ZNF517: variants seen among roughly 807,000 people sequenced by gnomAD.
ZNF517 encodes the protein zinc finger protein 517.
In ZNF517, 12 loss-of-function variants were observed where a neutral mutation model predicts 12.1. The observed-to-expected ratio is 0.99, with a 90% confidence interval of 0.63 to 1.61. The LOEUF (loss-of-function observed/expected upper bound fraction) is 1.61, where lower values mean the gene tolerates loss of function less well. Ranked by LOEUF, ZNF517 falls within the 40% of genes most tolerant of loss-of-function variation. The pLI, the probability that ZNF517 is intolerant of heterozygous loss-of-function variation, is 0.00. For synonymous variants in ZNF517, 388 were observed against 310.2 expected (o/e 1.25, Z -2.63); for missense variants, 781 against 693.2 (o/e 1.13, Z -1.42).
At chr8:144,800,709 A>G in intron 1 of ZNF517, 4 of 985,240 alleles carry the variant, frequency 4.1e-6, no homozygotes, top group Non-Finnish European at 4.8e-6. Flanking sequence ...CCCTCTGTGC[A>G]GGGGTGATTC....
In ZNF517 at chr8:144,807,552, G is replaced by A. The variant is rs1363419340; in HGVS notation, c.636G>A (p.Lys212=). 2 of 1,599,320 alleles carry A rather than the reference G, an allele frequency of 1.3e-6. No individual in the cohort carries two copies. The highest frequency in any genetic ancestry group is 2.7e-5 in the African/African-American group (2 of 74,426). ...AKPFQCTECG[K]AFKQSSILLR... ...CCTTCCAGTGCACAGAGTGCGGGAAGGCCTTCAAGCAAAGCTCCATCCTGC... is the reference window on the plus strand; with the variant it reads ...CCTTCCAGTGCACAGAGTGCGGGAAAGCCTTCAAGCAAAGCTCCATCCTGC... Residue 212 remains lysine, a synonymous_variant, in exon 5 of 5, where the codon AAG becomes AAA. Transcript: ENST00000359971.
chr8:144,799,090 C>G (rs1355444928), intron 1 of ZNF517, among the ~76,000 whole-genome samples, 153 bp downstream of exon 1: 1 of 152,276 alleles, frequency 6.6e-6, no homozygotes, highest in African/African-American at 2.4e-5. Flanking sequence ...CCTTGGGTTC[C>G]GAACCCTTAT....
intron 1 of ZNF517, chr8:144,802,642 G>T: frequency 2.1e-6 from 1 of 471,348 alleles, no homozygotes; most frequent in Non-Finnish European, 2.8e-6. Flanking sequence ...AAAAAATGGT[G>T]GTCACAGAAG....
chr8:144,804,741 G>C (rs118115264), intron 4 of ZNF517, among the ~76,000 whole-genome samples: 2,651 of 152,280 alleles, frequency 0.017, 66 homozygotes, highest in Admixed American at 0.072. Flanking sequence ...TCCAATGATT[G>C]ATAAGGTCAT....
At chr8:144,803,829 G>T in intron 3 of ZNF517, 62 bp downstream of exon 3, 1 of 1,574,996 alleles carries the variant, frequency 6.3e-7, no homozygotes, top group Non-Finnish European at 8.6e-7. Flanking sequence ...TTCAAAGGAA[G>T]TTGGTTCCAT....
intron 1 of ZNF517, among the ~76,000 whole-genome samples, chr8:144,802,303 G>A (rs545977443): frequency 6.6e-6 from 1 of 152,326 alleles, no homozygotes; most frequent in South Asian, 2.1e-4. Context: ...CTTAAGCCCA[G>A]GAGGCAGAGG....
chr8:144,799,118 C>T (rs1184180367), intron 1 of ZNF517, among the ~76,000 whole-genome samples, 181 bp downstream of exon 1: 2 of 152,150 alleles, frequency 1.3e-5, no homozygotes, highest in African/African-American at 2.4e-5. Context: ...AAGGGCCCTG[C>T]GCCCCGGTCC....
intron 4 of ZNF517, among the ~76,000 whole-genome samples, chr8:144,805,095 C>G (rs1427760806): frequency 6.6e-6 from 1 of 152,230 alleles, no homozygotes; most frequent in Middle Eastern, 3.2e-3. Context: ...TCCAGGTCTG[C>G]TATGTAACTA....
At chr8:144,806,858 C>G (rs898167184) in intron 4 of ZNF517, among the ~76,000 whole-genome samples, 3 of 152,180 alleles carry the variant, frequency 2.0e-5, no homozygotes, top group African/African-American at 7.2e-5. Context: ...ACTCTGTCTT[C>G]ACTTGATTGT....
In ZNF517 at chr8:144,807,831, C is replaced by G. The variant is rs770165380; in HGVS notation, c.915C>G (p.Asn305Lys). Residue 305 changes from asparagine (N) to lysine (K), a missense_variant, in exon 5 of 5, where the codon AAC becomes AAG. Physicochemically the swap from Asn to Lys is moderately conservative, Grantham distance 94. Coordinates refer to ENST00000359971, the MANE Select transcript of ZNF517 (RefSeq NM_213605.3). ...CGTTCTGCCGCAGGTTCACCCTCAA[C>G]GAGCACGGCCGCATCCACAGCGGGG... is the stretch of plus-strand genomic sequence containing the variant. ...GKAFCRRFTLNEHGRIHSGER... is the reference protein window; with the variant it reads ...GKAFCRRFTLKEHGRIHSGER... The G allele has an allele frequency of 3.7e-6, 6 of 1,604,084 alleles. No homozygotes were observed. The highest frequency in any genetic ancestry group is 5.1e-6 in the Non-Finnish European group (6 of 1,175,670).
rs1827500001 is a variant in ZNF517 at position 144,810,020 on chromosome 8, T to A, written c.*1625T>A. ...GTGAGCCGAGATCGAGCCACTGCAC[T>A]CCAGCCTGGGTGACAGGGCAAGACT... On this transcript the variant is annotated 3_prime_UTR_variant, in exon 5 of 5. Transcript: ENST00000359971. 2.1e-6 allele frequency: 1 copy of A among 467,866 alleles called. No individual in the cohort carries two copies. Among genetic ancestry groups the A allele is most frequent in the Admixed American group, 3.5e-5 (1 of 28,938 alleles). The allele number at this position is 467,866 out of a possible 1,614,324, so 29.0% of individuals were successfully genotyped here.
chr8:144,811,446 C>T (rs903859046), downstream of ZNF517, among the ~76,000 whole-genome samples: 38 of 145,782 alleles, frequency 2.6e-4, no homozygotes, highest in Non-Finnish European at 5.3e-4. Context: ...AAGGCTGAGA[C>T]AGGGTGGGAG....
chr8:144,799,540 A>G (rs1197459051), intron 1 of ZNF517, among the ~76,000 whole-genome samples: 2 of 152,218 alleles, frequency 1.3e-5, no homozygotes, highest in East Asian at 3.8e-4. Context: ...ACGCAGCAAA[A>G]TAACTTCTGG....
At position 144,808,647 on chromosome 8, in the gene ZNF517, C is replaced by G; in HGVS notation, c.*252C>G. 7.1e-6 allele frequency: 3 copies of G among 423,588 alleles called. No individual in the cohort carries two copies. Among genetic ancestry groups the G allele is most frequent in the Non-Finnish European group, 1.2e-5 (3 of 252,264 alleles). 26.2% of individuals were successfully genotyped at this position (423,588 alleles called of 1,614,324 possible). Reference sequence around the variant, plus strand: ...GGGGCCTTCCGGAAATGTCCAGGAGCGGGCAGAAGGGAGAGAGGGAGGGGC... The same window carrying G: ...GGGGCCTTCCGGAAATGTCCAGGAGGGGGCAGAAGGGAGAGAGGGAGGGGC... On this transcript the variant is annotated 3_prime_UTR_variant, in exon 5 of 5. Transcript: ENST00000359971.
chr8:144,803,697 C>T lies in ZNF517; in HGVS notation c.90C>T (p.Cys30=). 3 of 1,614,164 alleles carry T rather than the reference C, an allele frequency of 1.9e-6. No homozygotes were observed. The highest frequency in any genetic ancestry group is 2.2e-5 in the South Asian group (2 of 91,082). ...AVYFTRIEWS[C]LAPDQQALYR... is the part of the protein sequence containing the mutation. ...ACTTCACAAGGATAGAGTGGAGTTG[C>T]CTGGCCCCCGACCAGCAGGCACTCT... The change falls in exon 3 of 5, where the codon TGC becomes TGT. Residue 30 remains cysteine (C), a synonymous_variant. Transcript: ENST00000359971.
Position 144,808,380 on chromosome 8 carries a change from C to A in ZNF517, c.1464C>A (p.Pro488=). The change falls in exon 5 of 5, where the codon CCC becomes CCA. Residue 488 remains proline, a synonymous_variant. Transcript: ENST00000359971. ...AGGACACAGAGGGCAGGCGGGCGCC[C>A]TGTTGGGCTTCCTGATGACGGGGAC... ...PGEDTEGRRA[P]CWAS is the part of the protein sequence containing the mutation. The A allele has an allele frequency of 1.4e-6, 2 of 1,455,376 alleles. No homozygotes were observed. Among genetic ancestry groups the A allele is most frequent in the Non-Finnish European group, 1.8e-6 (2 of 1,103,756 alleles). The allele number at this position is 1,455,376 out of a possible 1,614,324, so 90.2% of individuals were successfully genotyped here.
chr8:144,813,088 T>TG (rs1827602188), downstream of ZNF517, among the ~76,000 whole-genome samples: 1 of 152,024 alleles, frequency 6.6e-6, no homozygotes, highest in Non-Finnish European at 1.5e-5. Flanking sequence ...GAGGCCGAGA[T>TG]GGTGGATCAC....
At position 144,808,067 on chromosome 8, in the gene ZNF517, T is replaced by G. The variant is rs367893592; in HGVS notation, c.1151T>G (p.Leu384Arg). 9 of 1,609,198 alleles carry G rather than the reference T, an allele frequency of 5.6e-6. No homozygotes were observed. In the African/African-American group the frequency reaches 1.2e-4, roughly 22 times the overall value. The stretch of plus-strand genomic sequence containing the variant: ...CCGTTCCGACACAACTCCCTGCTGC[T>G]GCTGCACCTGCGCCTACACACGGGC... ...GRPFRHNSLL[L>R]LHLRLHTGEK... Residue 384 changes from leucine to arginine, a missense_variant, in exon 5 of 5, where the codon CTG becomes CGG. Leu to Arg is a moderately radical substitution (Grantham distance 102). Transcript: ENST00000359971.
intron 4 of ZNF517, among the ~76,000 whole-genome samples, chr8:144,806,787 A>C (rs1827242666): frequency 6.6e-6 from 1 of 152,138 alleles, no homozygotes; most frequent in Non-Finnish European, 1.5e-5. Flanking sequence ...ACCTGGCCTG[A>C]AACCCTGATT....
Sources: gnomAD v4.1 joint callset for allele counts (sites outside exome capture counted in the v4.1 genomes callset) on GRCh38, gnomAD v4.1.1 for gene constraint, MANE v1.5 for transcripts, NCBI Gene and HGNC (gene_info 2026-07-23, HGNC 2026-07-21) for gene names.